The following DMXL1 variants were observed in gnomAD, a reference collection of about 807,000 sequenced individuals.
DMXL1 encodes the protein Dmx like 1.
A neutral mutation model predicts 319.2 loss-of-function variants in DMXL1; 99 were observed. That is an observed-to-expected ratio of 0.31 (90% CI 0.26 to 0.37). The LOEUF is 0.37. Ranked by LOEUF, DMXL1 falls within the 10% of genes least tolerant of loss-of-function variation. The pLI is 1.00. For synonymous variants in DMXL1, 1,385 were observed against 1,235.2 expected (o/e 1.12, Z -2.54); for missense variants, 3,745 against 3,595.6 (o/e 1.04, Z -1.06).
At chr5:119,144,074 CA>C in intron 14 of DMXL1, 144 bp downstream of exon 14, 1 of 535,536 alleles carries the variant, frequency 1.9e-6, no homozygotes, top group Non-Finnish European at 3.3e-6. Context: ...TAATAGATAA[CA>C]TATTATTGTA....
intron 7 of DMXL1, 110 bp downstream of exon 7, chr5:119,116,446 G>A: frequency 8.6e-7 from 1 of 1,166,370 alleles, no homozygotes; most frequent in Non-Finnish European, 1.2e-6. Flanking sequence ...CTGAGCCTAT[G>A]AAGATTAGAG....
intron 13 of DMXL1, among the ~76,000 whole-genome samples, chr5:119,137,949 T>C (rs1255535010): frequency 6.6e-6 from 1 of 152,208 alleles, no homozygotes; most frequent in Non-Finnish European, 1.5e-5. Flanking sequence ...CCAGGTCATA[T>C]GAAGCCTGAT....
At chr5:119,202,031 G>C (rs1193849475) in intron 32 of DMXL1, among the ~76,000 whole-genome samples, 1 of 151,924 alleles carries the variant, frequency 6.6e-6, no homozygotes, top group African/African-American at 2.4e-5. Context: ...TCCTGGATTC[G>C]TTGATCTTTT....
chr5:119,153,011 C>CT, intron 19 of DMXL1, among the ~76,000 whole-genome samples: 1 of 151,156 alleles, frequency 6.6e-6, no homozygotes. Context: ...GAGTCTTGCT[C>CT]TGTCACCCAG....
intron 38 of DMXL1, 110 bp from the exon 39 acceptor site, chr5:119,233,230 T>A: frequency 4.6e-6 from 5 of 1,097,460 alleles, no homozygotes; most frequent in Non-Finnish European, 5.2e-6. Flanking sequence ...TAAATTTATA[T>A]AAGTTGATTT....
intron 10 of DMXL1, 110 bp from the exon 11 acceptor site, chr5:119,133,022 C>T: frequency 8.2e-7 from 1 of 1,215,954 alleles, no homozygotes; most frequent in East Asian, 2.5e-5. Context: ...TCCATGCTCT[C>T]CTTAGGCATG....
intron 1 of DMXL1, 39 bp downstream of exon 1, chr5:119,071,695 C>CTTTGCCCGTCA: frequency 6.5e-7 from 1 of 1,535,824 alleles, no homozygotes; most frequent in South Asian, 1.2e-5. Context: ...GTGGCCCGGC[C>CTTTGCCCGTCA]TTTGCCCGTC....
intron 13 of DMXL1, among the ~76,000 whole-genome samples, chr5:119,140,805 A>C (rs372972692): frequency 1.3e-5 from 2 of 152,198 alleles, no homozygotes; most frequent in East Asian, 1.9e-4. Flanking sequence ...CACACACACA[A>C]AAAGAAAACT....
chr5:119,157,390 T>A (rs910787307), intron 19 of DMXL1, among the ~76,000 whole-genome samples: 2 of 152,214 alleles, frequency 1.3e-5, no homozygotes, highest in Non-Finnish European at 2.9e-5. Context: ...TCCAAAAAAA[T>A]CATTGCCCAG....
chr5:119,140,697 T>C (rs1012012654), intron 13 of DMXL1, among the ~76,000 whole-genome samples: 3 of 152,120 alleles, frequency 2.0e-5, no homozygotes, highest in African/African-American at 7.2e-5. Flanking sequence ...GCTGGTACCA[T>C]TCCTACTGAA....
chr5:119,079,138 G>C (rs1487885531), intron 1 of DMXL1, among the ~76,000 whole-genome samples: 1 of 152,132 alleles, frequency 6.6e-6, no homozygotes, highest in African/African-American at 2.4e-5. Context: ...CCACCAGTCT[G>C]CTCATTTTTC....
At position 119,170,325 on chromosome 5, in the gene DMXL1, G is replaced by T; in HGVS notation, c.5534G>T (p.Gly1845Val). Residue 1845 changes from glycine to valine, a missense_variant, in exon 24 of 44, where the codon GGA becomes GTA. Gly to Val is a moderately radical substitution (Grantham distance 109). Transcript: ENST00000539542. ...CATATGAGCCTAACAGGAAAAAGTG[G>T]ACTGGCAGGAACAATTAATTTAAGT... The part of the protein sequence containing the change: ...STHMSLTGKS[G>V]LAGTINLSER... 6.2e-7 allele frequency: 1 copy of T among 1,613,916 alleles called. No individual in the cohort carries two copies.
intron 1 of DMXL1, among the ~76,000 whole-genome samples, chr5:119,084,864 CAAAAA>C (rs767235744): frequency 1.4e-5 from 1 of 69,884 alleles, no homozygotes; most frequent in Non-Finnish European, 3.1e-5. Context: ...AACTCCGTCT[CAAAAA>C]AAAAAAAAAA....
At chr5:119,164,984 A>T (rs972682839) in intron 20 of DMXL1, among the ~76,000 whole-genome samples, 199 bp from the exon 21 acceptor site, 1 of 152,120 alleles carries the variant, frequency 6.6e-6, no homozygotes, top group African/African-American at 2.4e-5. Context: ...CAATAGTCCT[A>T]TTATTCTCTG....
chr5:119,245,075 T>G (rs1207173542), intron 43 of DMXL1, among the ~76,000 whole-genome samples: 1 of 152,200 alleles, frequency 6.6e-6, no homozygotes, highest in East Asian at 1.9e-4. Flanking sequence ...TTAAGCAGCT[T>G]GTTAAAAATG....
intron 28 of DMXL1, among the ~76,000 whole-genome samples, chr5:119,181,756 G>T (rs1250756620): frequency 4.6e-5 from 7 of 152,158 alleles, no homozygotes; most frequent in Non-Finnish European, 8.8e-5. Context: ...AGGTTGCAGT[G>T]AGCTGAGATT....
At chr5:119,240,594 C>A in intron 42 of DMXL1, 123 bp downstream of exon 42, 2 of 685,638 alleles carry the variant, frequency 2.9e-6, no homozygotes, top group South Asian at 2.2e-5. Context: ...TTCTTTTGCC[C>A]AGGATGGCAG....
chr5:119,133,799 C>T lies in DMXL1; in HGVS notation c.1875C>T (p.Leu625=). Reference sequence around the variant, plus strand: ...AGGAATCTGCTTTTTCTACTGTTCTCAGTATTTCCCACAAATCCAGATATT... The same window carrying T: ...AGGAATCTGCTTTTTCTACTGTTCTTAGTATTTCCCACAAATCCAGATATT... ...FAEESAFSTV[L]SISHKSRYCG... The change falls in exon 12 of 44, where the codon CTC becomes CTT. Residue 625 remains leucine, a synonymous_variant. Transcript: ENST00000539542. 5 of 1,614,174 alleles carry T rather than the reference C, an allele frequency of 3.1e-6. No homozygotes were observed. The highest frequency in any genetic ancestry group is 2.2e-5 in the East Asian group (1 of 44,888).
chr5:119,198,044 A>C, intron 32 of DMXL1, 88 bp downstream of exon 32: 2 of 1,282,200 alleles, frequency 1.6e-6, no homozygotes, highest in South Asian at 2.5e-5. Flanking sequence ...GCTGGAGTGC[A>C]GTGGCACAAT....
Sources: allele counts gnomAD v4.1 joint callset (sites outside exome capture counted in the v4.1 genomes callset), GRCh38; gene constraint gnomAD v4.1.1; transcripts MANE v1.5; gene names NCBI Gene and HGNC (gene_info 2026-07-23, HGNC 2026-07-21).